Variants in BMAL1 observed in about 807,000 individuals in gnomAD.
The protein encoded by BMAL1 is basic helix-loop-helix ARNT-like protein 1.
the BMAL1 span, among the ~76,000 whole-genome samples, chr11:13,292,561 A>AT: frequency 1.3e-4 from 19 of 150,004 alleles, no homozygotes; most frequent in African/African-American, 4.2e-4. Context: ...AAAAAAAAAT[A>AT]AAATAAAATG....
At chr11:13,308,076 G>A in the BMAL1 span, among the ~76,000 whole-genome samples, 2 of 152,150 alleles carry the variant, frequency 1.3e-5, no homozygotes, top group Admixed American at 1.3e-4. Flanking sequence ...GGACGGTGGA[G>A]GTGGTGAGAA....
At chr11:13,284,266 ATTTTT>A in the BMAL1 span, among the ~76,000 whole-genome samples, 1,740 of 44,856 alleles carry the variant, frequency 0.039, 185 homozygotes, top group African/African-American at 0.065. Flanking sequence ...ATATATATAT[ATTTTT>A]TTTTTTAATG....
chr11:13,291,568 G>A, the BMAL1 span, among the ~76,000 whole-genome samples: 1 of 152,200 alleles, frequency 6.6e-6, no homozygotes, highest in Non-Finnish European at 1.5e-5. Context: ...ACTGTCCAGG[G>A]TTCTACAACT....
At chr11:13,276,889 G>T in the BMAL1 span, 1 of 152,186 alleles carries the variant, frequency 6.6e-6, no homozygotes, top group South Asian at 2.1e-4. Flanking sequence ...GTCTTGCTCC[G>T]TAGACAGCTT....
the BMAL1 span, among the ~76,000 whole-genome samples, chr11:13,357,606 C>T: frequency 5.9e-5 from 9 of 152,176 alleles, no homozygotes; most frequent in Non-Finnish European, 1.2e-4. This position sits in a 1 kb window ranked among gnomAD's most constrained non-coding sequence, Gnocchi z 4.8. Context: ...GTTCTTCTGC[C>T]GTTAGTACCA....
the BMAL1 span, among the ~76,000 whole-genome samples, chr11:13,368,189 A>C: frequency 1.3e-5 from 2 of 152,224 alleles, no homozygotes; most frequent in Non-Finnish European, 2.9e-5. Flanking sequence ...AATGAGACAG[A>C]CAGCACCCTG....
the BMAL1 span, among the ~76,000 whole-genome samples, chr11:13,302,881 G>A: frequency 1.3e-5 from 2 of 152,198 alleles, no homozygotes; most frequent in Non-Finnish European, 2.9e-5. Context: ...TCTTCCGGAA[G>A]AGTTTGTGCA....
chr11:13,366,700 G>A, the BMAL1 span: 4 of 1,613,870 alleles, frequency 2.5e-6, no homozygotes, highest in South Asian at 3.3e-5. Flanking sequence ...TTGACTACCT[G>A]CATCCTAAAG....
At chr11:13,314,556 C>G in the BMAL1 span, among the ~76,000 whole-genome samples, 1 of 152,092 alleles carries the variant, frequency 6.6e-6, no homozygotes, top group South Asian at 2.1e-4. Flanking sequence ...ATTCTTTGCC[C>G]CTGACTTTTT....
chr11:13,371,234 T>C, the BMAL1 span, among the ~76,000 whole-genome samples: 20 of 152,236 alleles, frequency 1.3e-4, no homozygotes, highest in Admixed American at 9.8e-4. Context: ...ACATTTAATG[T>C]GTCCCAAATC....
At chr11:13,367,362 T>G in the BMAL1 span, among the ~76,000 whole-genome samples, 1 of 152,116 alleles carries the variant, frequency 6.6e-6, no homozygotes, top group African/African-American at 2.4e-5. Flanking sequence ...GTCATCTACT[T>G]TAGTCCTGTG....
the BMAL1 span, among the ~76,000 whole-genome samples, chr11:13,303,385 C>T: frequency 6.6e-6 from 1 of 152,142 alleles, no homozygotes; most frequent in Non-Finnish European, 1.5e-5. Context: ...ATGACATATA[C>T]ATTATGCTAT....
the BMAL1 span, chr11:13,354,741 G>A: frequency 7.7e-5 from 26 of 337,762 alleles, no homozygotes; most frequent in East Asian, 1.4e-4. Flanking sequence ...CCCTTTCTTC[G>A]TCTTCTTTCT....
chr11:13,281,950 G>C, the BMAL1 span, among the ~76,000 whole-genome samples: 1 of 152,146 alleles, frequency 6.6e-6, no homozygotes, highest in Non-Finnish European at 1.5e-5. Flanking sequence ...TATTCACACT[G>C]TCCGTGGCCT....
At chr11:13,311,898 A>G in the BMAL1 span, among the ~76,000 whole-genome samples, 4 of 152,208 alleles carry the variant, frequency 2.6e-5, no homozygotes, top group Non-Finnish European at 5.9e-5. Context: ...GAGAAAGTAG[A>G]GTGGACCAAA....
the BMAL1 span, among the ~76,000 whole-genome samples, chr11:13,385,984 T>G: frequency 6.6e-6 from 1 of 152,254 alleles, no homozygotes; most frequent in Non-Finnish European, 1.5e-5. Flanking sequence ...GGTCCAAGTT[T>G]GTGCCTGGAA....
chr11:13,287,067 C>A, the BMAL1 span, among the ~76,000 whole-genome samples: 1 of 151,228 alleles, frequency 6.6e-6, no homozygotes, highest in African/African-American at 2.5e-5. Flanking sequence ...GTGAAAAGTA[C>A]CTGATCCTTT....
chr11:13,326,888 C>G, the BMAL1 span, among the ~76,000 whole-genome samples: 2 of 151,782 alleles, frequency 1.3e-5, no homozygotes, highest in African/African-American at 2.4e-5. Context: ...GGTGCGATCT[C>G]GGCTCACTGC....
At chr11:13,335,724 A>G in the BMAL1 span, among the ~76,000 whole-genome samples, 2 of 152,232 alleles carry the variant, frequency 1.3e-5, no homozygotes, top group African/African-American at 4.8e-5. Flanking sequence ...TACCAAGTAT[A>G]TAAGATTTAC....
Sources: gnomAD v4.1 joint callset for allele counts (sites outside exome capture counted in the v4.1 genomes callset) on GRCh38, gnomAD v4.1.1 for gene constraint, Gnocchi (gnomAD v3.1) non-coding constraint, MANE v1.5 for transcripts, NCBI Gene and HGNC (gene_info 2026-07-23, HGNC 2026-07-21) for gene names.